The following QRSL1 variants were observed in gnomAD, a reference collection of about 807,000 sequenced individuals.
QRSL1 encodes glutaminyl-tRNA amidotransferase subunit QRSL1, also known as glutamyl-tRNA(Gln) amidotransferase subunit A, mitochondrial.
In QRSL1, 54 loss-of-function variants were observed where a neutral mutation model predicts 61.6. The observed-to-expected ratio is 0.88, with a 90% CI of 0.70 to 1.10. The LOEUF (loss-of-function observed/expected upper bound fraction) is 1.10, where lower values mean the gene tolerates loss of function less well. Among genes scored for constraint, QRSL1 ranks in the 50% least tolerant of loss-of-function variants. The probability of loss-of-function intolerance (pLI) is 0.00; values close to 1 mark genes in which losing one functional copy is unlikely to be tolerated. For synonymous variants in QRSL1, 228 were observed against 225.7 expected (o/e 1.01, Z -0.09); for missense variants, 505 against 622.6 (o/e 0.81, Z 2.01).
In QRSL1 at chr6:106,649,055, A is replaced by G. The variant is rs1193045411; in HGVS notation, c.411A>G (p.Pro137=). ...GGAGCACAGATGGTGTATTTGGACC[A>G]GTTAAAAACCCCTGGAGTTATTCAA... The part of the protein sequence containing the change: ...GSGSTDGVFG[P]VKNPWSYSKQ... The change falls in exon 5 of 11, where the codon CCA becomes CCG. Residue 137 remains proline (P), a synonymous_variant. Transcript: ENST00000369046. The G allele has an allele frequency of 1.2e-6, 2 of 1,613,728 alleles. No individual in the cohort carries two copies. Among genetic ancestry groups the G allele is most frequent in the Non-Finnish European group, 1.7e-6 (2 of 1,179,914 alleles).
At position 106,662,998 on chromosome 6, in the gene QRSL1, T is replaced by C; in HGVS notation, c.1179T>C (p.Phe393=). 6 of 1,609,822 alleles carry C rather than the reference T, an allele frequency of 3.7e-6. No individual in the cohort carries two copies. Among genetic ancestry groups the C allele is most frequent in the Non-Finnish European group, 5.1e-6 (6 of 1,176,156 alleles). The stretch of plus-strand genomic sequence containing the variant: ...CCCACAGAAACTATGAAAATTATTT[T>C]GTCAAAGCACAGAAAGTGAGACGCC... The part of the protein sequence containing the change: ...FLLKENYENY[F]VKAQKVRRLI... Residue 393 remains phenylalanine (F), a synonymous_variant, in exon 10 of 11, where the codon TTT becomes TTC. Transcript: ENST00000369046.
In QRSL1 at chr6:106,655,604, C is replaced by T. The variant is rs6911321; in HGVS notation, c.1043-11C>T. The stretch of plus-strand genomic sequence containing the variant: ...CCTTTCAAGTAATGTTTACCCTTTT[C>T]TTGTTTTCAGGTCACAGATGTGACA... On this transcript the variant is annotated splice_polypyrimidine_tract_variant and intron_variant, in intron 8 of 10. Transcript: ENST00000369046. 0.064 allele frequency: 99,821 copies of T among 1,562,924 alleles called. 3,722 individuals are homozygous for T. The highest frequency in any genetic ancestry group is 0.15 in the African/African-American group (11,290 of 73,366).
intron 9 of QRSL1, among the ~76,000 whole-genome samples, chr6:106,660,764 G>A (rs1451324339): frequency 6.6e-6 from 1 of 152,076 alleles, no homozygotes; most frequent in South Asian, 2.1e-4. Context: ...GCCAGCACCT[G>A]GTGAGGGCCT....
At chr6:106,646,630 T>C (rs1416853031) in intron 4 of QRSL1, among the ~76,000 whole-genome samples, 1 of 149,686 alleles carries the variant, frequency 6.7e-6, no homozygotes, top group African/African-American at 2.4e-5. Flanking sequence ...AGGCCCTGTC[T>C]CTACAGAAAA....
intron 5 of QRSL1, 59 bp downstream of exon 5, chr6:106,649,260 C>T: frequency 6.5e-7 from 1 of 1,548,358 alleles, no homozygotes; most frequent in Non-Finnish European, 8.8e-7. Context: ...CAGTCATAAA[C>T]TGTATCCAGC....
At chr6:106,656,630 T>A (rs1178322108) in intron 9 of QRSL1, among the ~76,000 whole-genome samples, 1 of 152,252 alleles carries the variant, frequency 6.6e-6, no homozygotes, top group East Asian at 1.9e-4. Flanking sequence ...TTTATTCATC[T>A]GCGTATCCTC....
chr6:106,644,460 A>AT (rs541299677), intron 4 of QRSL1, among the ~76,000 whole-genome samples: 1 of 151,908 alleles, frequency 6.6e-6, no homozygotes, highest in East Asian at 1.9e-4. Context: ...ACCTGGCTGA[A>AT]TTTTTTTCTT....
intron 8 of QRSL1, among the ~76,000 whole-genome samples, 187 bp from the exon 9 acceptor site, chr6:106,655,428 A>G (rs1173376486): frequency 6.6e-6 from 1 of 151,256 alleles, no homozygotes; most frequent in Non-Finnish European, 1.5e-5. Flanking sequence ...AGGCAGGAGA[A>G]TCACTTGACA....
At position 106,640,124 on chromosome 6, in the gene QRSL1, G is replaced by T. The variant is rs565986899; in HGVS notation, c.25-225G>T. On this transcript the variant is annotated intron_variant, in intron 1 of 10. Transcript: ENST00000369046. ...AGCCTGACTTTGAAACCAAAAGTTG[G>T]CTAAGGAGAAGAATGTCATGTCCTC... The T allele has an allele frequency of 1.0e-5, 4 of 398,276 alleles. No homozygotes were observed. The East Asian group carries it at 1.8e-4, about 18-fold the overall frequency. 24.7% of individuals were successfully genotyped at this position (398,276 alleles called of 1,614,324 possible). A position where few individuals can be genotyped will look rare whatever the true frequency, so the allele number is the denominator to read the frequency against.
At chr6:106,639,119 G>GTTTTTTTTTTT (rs1177849683) in intron 1 of QRSL1, among the ~76,000 whole-genome samples, 13 of 122,806 alleles carry the variant, frequency 1.1e-4, no homozygotes, top group East Asian at 2.7e-4. Flanking sequence ...GTGTTTTGTT[G>GTTTTTTTTTTT]TTTTTTTTTT....
chr6:106,629,854 T>G, intron 1 of QRSL1, 149 bp downstream of exon 1: 1 of 929,756 alleles, frequency 1.1e-6, no homozygotes, highest in Non-Finnish European at 1.6e-6. Context: ...TTTCGATTCT[T>G]CGGGTGTACT....
chr6:106,665,795 G>C lies in QRSL1; in HGVS notation c.1380G>C (p.Val460=). 2 of 1,613,958 alleles carry C rather than the reference G, an allele frequency of 1.2e-6. No individual in the cohort carries two copies. The highest frequency in any genetic ancestry group is 1.7e-6 in the Non-Finnish European group (2 of 1,179,842). The change falls in exon 11 of 11, where the codon GTG becomes GTC. Residue 460 remains valine (V), a synonymous_variant. Transcript: ENST00000369046. ...QAVNMAGLPA[V]SIPVALSNQG... is the part of the protein sequence containing the mutation. ...TTCTTTTCCCAGGATTGCCAGCAGT[G>C]AGTATCCCTGTTGCACTCTCAAACC...
At chr6:106,663,298 T>G in intron 10 of QRSL1, 113 bp downstream of exon 10, 1 of 978,788 alleles carries the variant, frequency 1.0e-6, no homozygotes, top group Non-Finnish European at 1.6e-6. Context: ...TCTATCCTTT[T>G]GGAATGCTTA....
intron 9 of QRSL1, among the ~76,000 whole-genome samples, chr6:106,658,599 AG>A (rs1390472974): frequency 1.3e-5 from 2 of 151,946 alleles, no homozygotes; most frequent in Non-Finnish European, 2.9e-5. Context: ...TGTACTTTAA[AG>A]GTTTTGTCCA....
intron 1 of QRSL1, among the ~76,000 whole-genome samples, chr6:106,638,692 T>A (rs1054216794): frequency 1.1e-4 from 17 of 152,298 alleles, no homozygotes; most frequent in African/African-American, 3.8e-4. Flanking sequence ...CTTGCTGCCC[T>A]CCTTATCCCT....
intron 8 of QRSL1, 27 bp from the exon 9 acceptor site, chr6:106,655,588 T>C: frequency 6.9e-7 from 1 of 1,449,826 alleles, no homozygotes; most frequent in Non-Finnish European, 9.7e-7. Context: ...TCCTTTCAAG[T>C]AATGTTTACC....
intron 1 of QRSL1, among the ~76,000 whole-genome samples, chr6:106,631,429 G>T (rs1194218222): frequency 2.6e-5 from 4 of 152,162 alleles, no homozygotes; most frequent in Non-Finnish European, 5.9e-5. Context: ...TAAACTATGT[G>T]CCTATTCAAG....
chr6:106,643,079 GT>G lies in QRSL1; in HGVS notation c.372del (p.Phe124LeufsTer43). ...TAATGGGAAAAACAAATTTAGATGAGTTTGCTATGGGGTAAGTAAAATTGAA... is the reference window on the plus strand; with the variant it reads ...TAATGGGAAAAACAAATTTAGATGAGTTGCTATGGGGTAAGTAAAATTGAA... ...LLMGKTNLDE[F>X]AMGSGSTDGV... is the part of the protein sequence containing the mutation. On this transcript the variant is annotated frameshift_variant, in exon 4 of 11. Coordinates refer to ENST00000369046, the MANE Select transcript of QRSL1 (RefSeq NM_018292.5). LOFTEE classifies it high-confidence loss of function. 6.2e-7 allele frequency: 1 copy of G among 1,602,514 alleles called. No individual in the cohort carries two copies. Among genetic ancestry groups the G allele is most frequent in the Non-Finnish European group, 8.5e-7 (1 of 1,170,644 alleles).
At chr6:106,659,502 A>G (rs1222219751) in intron 9 of QRSL1, among the ~76,000 whole-genome samples, 1 of 150,656 alleles carries the variant, frequency 6.6e-6, no homozygotes, top group Admixed American at 6.6e-5. Flanking sequence ...TAACTGTTTT[A>G]ATGTTCTTAT....
Sources: gnomAD v4.1 joint callset for allele counts (sites outside exome capture counted in the v4.1 genomes callset) on GRCh38, gnomAD v4.1.1 for gene constraint, MANE v1.5 for transcripts, NCBI Gene and HGNC (gene_info 2026-07-23, HGNC 2026-07-21) for gene names.